Variants in DDX42 observed in about 807,000 individuals in gnomAD.
DDX42 encodes DEAD-box helicase 42.
Under a neutral mutation model 101.5 loss-of-function variants are expected in DDX42, and 22 were observed. The ratio of observed to expected loss-of-function variants is 0.22; its 90% CI spans 0.15 to 0.31. The LOEUF is 0.31. DDX42 is among the 10% of genes least tolerant of loss of function. DDX42 has a pLI of 1.00. For missense variants in DDX42, 849 were observed against 1,199.9 expected (o/e 0.71, Z 4.32); for synonymous variants, 402 against 401.2 (o/e 1.00, Z -0.02).
Position 63,818,614 on chromosome 17 carries a change from G to T in DDX42, c.*216G>T. 1.9e-6 allele frequency: 1 copy of T among 520,728 alleles called. No homozygotes were observed. Among genetic ancestry groups the T allele is most frequent in the Non-Finnish European group, 3.4e-6 (1 of 291,936 alleles). The allele number at this position is 520,728 out of a possible 1,614,324, so 32.3% of individuals were successfully genotyped here. On this transcript the variant is annotated 3_prime_UTR_variant, in exon 18 of 18. Coordinates refer to ENST00000389924, the MANE Select transcript of DDX42 (RefSeq NM_203499.3). ...CCTTGGAAGCAGTGAGAGCTGGGAA[G>T]CTTCTTTTGGCTCTAGGTGAGTTGT... is the stretch of plus-strand genomic sequence containing the variant.
rs535008106 is a variant in DDX42 at position 63,793,862 on chromosome 17, A to G, written c.372+1300A>G. Among the ~76,000 whole-genome samples the G allele has an allele frequency of 1.8e-3, 259 of 143,952 alleles. 1 individual carries two copies. The highest frequency in any genetic ancestry group is 3.6e-3 in the Middle Eastern group (1 of 276). The allele number at this position is 143,952 out of a possible 152,430, so 94.4% of individuals were successfully genotyped here. A position where few individuals can be genotyped will look rare whatever the true frequency, so the allele number is the denominator to read the frequency against. ...GGGAAATAGGCAGAAAAATTTATATATATATATATATATATATAATTTTTT... is the reference window on the plus strand; with the variant it reads ...GGGAAATAGGCAGAAAAATTTATATGTATATATATATATATATAATTTTTT... On this transcript the variant is annotated intron_variant, in intron 3 of 17. Transcript: ENST00000389924.
chr17:63,806,747 A>G, intron 8 of DDX42, 93 bp downstream of exon 8: 2 of 1,394,204 alleles, frequency 1.4e-6, no homozygotes, highest in Non-Finnish European at 1.9e-6. Flanking sequence ...AACAGTGTTT[A>G]GTGTAGAACC....
chr17:63,809,488 G>C, intron 10 of DDX42, 72 bp from the exon 11 acceptor site: 1 of 1,222,582 alleles, frequency 8.2e-7, no homozygotes, highest in Non-Finnish European at 1.2e-6. Context: ...CTTTTGCCAG[G>C]AGTGCAACTG....
chr17:63,777,907 G>C (rs2039440169), intron 1 of DDX42, among the ~76,000 whole-genome samples: 1 of 152,190 alleles, frequency 6.6e-6, no homozygotes, highest in Non-Finnish European at 1.5e-5. Flanking sequence ...TCACTAGAGT[G>C]CTTGTTTTCC....
chr17:63,774,035 A>C (rs996083316), upstream of DDX42: 1 of 217,178 alleles, frequency 4.6e-6, no homozygotes, highest in African/African-American at 2.4e-5. Context: ...TGTCCACCCA[A>C]CTGCAGTTTC....
Position 63,818,683 on chromosome 17 carries a change from G to T in DDX42, c.*285G>T. The stretch of plus-strand genomic sequence containing the variant: ...TTATCTTGGGATAAAGGGTCTTCTA[G>T]GGCACAAAACTCACTCTAGGTTTAT... On this transcript the variant is annotated 3_prime_UTR_variant, in exon 18 of 18. Transcript: ENST00000389924. The T allele has an allele frequency of 2.8e-6, 1 of 359,516 alleles. No homozygotes were observed. The highest frequency in any genetic ancestry group is 5.1e-6 in the Non-Finnish European group (1 of 195,410). The allele number at this position is 359,516 out of a possible 1,614,324, so 22.3% of individuals were successfully genotyped here.
chr17:63,797,060 A>G (rs1230326698), intron 3 of DDX42, among the ~76,000 whole-genome samples: 2 of 152,188 alleles, frequency 1.3e-5, no homozygotes, highest in African/African-American at 2.4e-5. Context: ...TGTATAATGC[A>G]AATGATTAAT....
intron 17 of DDX42, 98 bp from the exon 18 acceptor site, chr17:63,817,595 AG>A (rs2039991806): frequency 8.6e-7 from 1 of 1,163,876 alleles, no homozygotes; most frequent in East Asian, 2.4e-5. Context: ...GTGCCAGGAT[AG>A]CACAGAGTTT....
At chr17:63,794,935 TAA>T (rs11352891) in intron 3 of DDX42, among the ~76,000 whole-genome samples, 138 of 133,316 alleles carry the variant, frequency 1.0e-3, no homozygotes, top group Admixed American at 1.2e-3. Flanking sequence ...GACTCCATCT[TAA>T]AAAAAAAAAA....
rs141554873 is a variant in DDX42 at position 63,782,385 on chromosome 17, A to G, written c.-16-4649A>G. 4.8e-3 allele frequency among the ~76,000 whole-genome samples: 728 copies of G among 152,024 alleles called. 3 individuals carry two copies. The highest frequency in any genetic ancestry group is 7.2e-3 in the Non-Finnish European group (492 of 67,956). On this transcript the variant is annotated intron_variant, in intron 1 of 17. Transcript: ENST00000389924. ...AATGCAAATGGCTTACATCAAATCT[A>G]TAGCTCACTCCGGACCCCTCTCTGC...
chr17:63,791,126 G>T (rs1375308796), intron 2 of DDX42, among the ~76,000 whole-genome samples: 1 of 151,954 alleles, frequency 6.6e-6, no homozygotes, highest in Non-Finnish European at 1.5e-5. Flanking sequence ...TTAATATTTG[G>T]TTATATTACT....
intron 2 of DDX42, among the ~76,000 whole-genome samples, chr17:63,789,280 G>C (rs772638946): frequency 7.9e-5 from 12 of 151,612 alleles, no homozygotes; most frequent in Non-Finnish European, 1.3e-4. Flanking sequence ...GGTTTCACCA[G>C]GTTGGCCAGG....
At position 63,787,112 on chromosome 17, in the gene DDX42, C is replaced by G; in HGVS notation, c.63C>G (p.Ile21Met). The stretch of plus-strand genomic sequence containing the variant: ...GATTTGGCTTTGGAGGTTTTGCCAT[C>G]AGTGCTGGGAAAAAGGAGGAACCCA... Reference protein sequence around the residue: ...KRGFGFGGFAISAGKKEEPKL... With the variant: ...KRGFGFGGFAMSAGKKEEPKL... Residue 21 changes from isoleucine to methionine, a missense_variant, in exon 2 of 18, where the codon ATC becomes ATG. Coordinates refer to ENST00000389924, the MANE Select transcript of DDX42 (RefSeq NM_203499.3). 2 of 1,614,204 alleles carry G rather than the reference C, an allele frequency of 1.2e-6. No homozygotes were observed. Among genetic ancestry groups the G allele is most frequent in the Non-Finnish European group, 1.7e-6 (2 of 1,180,044 alleles).
chr17:63,783,655 A>T (rs949214035), intron 1 of DDX42, among the ~76,000 whole-genome samples: 3 of 152,210 alleles, frequency 2.0e-5, no homozygotes, highest in African/African-American at 7.2e-5. Context: ...AGTACTTACT[A>T]AATACATACC....
At chr17:63,800,876 A>G (rs2039754549) in intron 6 of DDX42, among the ~76,000 whole-genome samples, 1 of 151,674 alleles carries the variant, frequency 6.6e-6, no homozygotes, top group African/African-American at 2.4e-5. Context: ...CAGAACCAAT[A>G]TTTCTTTCTT....
rs371074132 is a variant in DDX42, at chr17:63,807,132, GTTTTGT to G, written c.846+495_846+500del. Among the ~76,000 whole-genome samples the G allele has an allele frequency of 7.2e-3, 1,090 of 152,072 alleles. 15 individuals carry two copies. The highest frequency in any genetic ancestry group is 0.025 in the African/African-American group (1,029 of 41,518). ...CTTCATTATAAATTGCAATTTTTCT[GTTTTGT>G]TTTTGTTTTTGTTTTTTTTGGGGAC... On this transcript the variant is annotated intron_variant, in intron 8 of 17. Coordinates refer to ENST00000389924, the MANE Select transcript of DDX42 (RefSeq NM_203499.3).
At chr17:63,810,097 T>C (rs867679877) in intron 11 of DDX42, among the ~76,000 whole-genome samples, 3 of 152,058 alleles carry the variant, frequency 2.0e-5, no homozygotes, top group African/African-American at 7.2e-5. Context: ...TTTAGGAGCT[T>C]CTTTTTTCTT....
At chr17:63,812,450 C>T (rs2039922170) in intron 14 of DDX42, among the ~76,000 whole-genome samples, 1 of 152,112 alleles carries the variant, frequency 6.6e-6, no homozygotes, top group African/African-American at 2.4e-5. Flanking sequence ...AGAAGTCACT[C>T]TGGGAAAAAA....
At chr17:63,808,005 A>G in intron 9 of DDX42, 105 bp downstream of exon 9, 1 of 1,028,994 alleles carries the variant, frequency 9.7e-7, no homozygotes, top group Non-Finnish European at 1.4e-6. Context: ...TAATTGTGAT[A>G]AGATACACAC....
Sources: gnomAD v4.1 joint callset for allele counts (sites outside exome capture counted in the v4.1 genomes callset) on GRCh38, gnomAD v4.1.1 for gene constraint, MANE v1.5 for transcripts, NCBI Gene and HGNC (gene_info 2026-07-23, HGNC 2026-07-21) for gene names.